Variants in HHAT observed in about 807,000 individuals in gnomAD.
The protein encoded by HHAT is protein-cysteine N-palmitoyltransferase HHAT.
Under a neutral mutation model 70.8 loss-of-function variants are expected in HHAT, and 47 were observed. The observed-to-expected ratio is 0.66, with a 90% CI of 0.53 to 0.85. The LOEUF is 0.85. Ranked by LOEUF, HHAT falls within the 40% of genes least tolerant of loss-of-function variation. The probability of loss-of-function intolerance (pLI) is 0.00; values close to 1 mark genes in which losing one functional copy is unlikely to be tolerated. For missense variants in HHAT, 609 were observed against 604.8 expected (o/e 1.01, Z -0.07); for synonymous variants, 228 against 247.6 (o/e 0.92, Z 0.74).
intron 8 of HHAT, among the ~76,000 whole-genome samples, chr1:210,487,839 A>G (rs1317784866): frequency 6.6e-6 from 1 of 152,210 alleles, no homozygotes; most frequent in African/African-American, 2.4e-5. Flanking sequence ...AAAGCTACCA[A>G]GAGACAGCTT....
At chr1:210,442,502 T>G (rs537491447) in intron 7 of HHAT, among the ~76,000 whole-genome samples, 1 of 150,418 alleles carries the variant, frequency 6.6e-6, no homozygotes, top group South Asian at 2.2e-4. Flanking sequence ...CCACATCCTG[T>G]CCAGCAGCTG....
intron 8 of HHAT, among the ~76,000 whole-genome samples, chr1:210,465,867 G>A (rs1434172701): frequency 6.6e-6 from 1 of 151,922 alleles, no homozygotes; most frequent in South Asian, 2.1e-4. Flanking sequence ...GGAATTGCAA[G>A]GAATGAATTG....
At chr1:210,526,595 G>A (rs1573040069) in intron 9 of HHAT, among the ~76,000 whole-genome samples, 1 of 152,186 alleles carries the variant, frequency 6.6e-6, no homozygotes, top group East Asian at 1.9e-4. Context: ...ACTCTAGACT[G>A]CCGTACCTCT....
intron 6 of HHAT, among the ~76,000 whole-genome samples, chr1:210,407,085 C>G (rs1558454519): frequency 6.6e-6 from 1 of 152,060 alleles, no homozygotes; most frequent in African/African-American, 2.4e-5. Context: ...GGTTTCTGCA[C>G]TTGCTGAAGG....
At chr1:210,617,790 T>C (rs190363968) in intron 10 of HHAT, among the ~76,000 whole-genome samples, 2 of 152,266 alleles carry the variant, frequency 1.3e-5, no homozygotes, top group African/African-American at 4.8e-5. Flanking sequence ...CTCAGGAGTA[T>C]GCACACAGAG....
At chr1:210,647,770 C>T (rs1268346253) in intron 11 of HHAT, among the ~76,000 whole-genome samples, 1 of 152,224 alleles carries the variant, frequency 6.6e-6, no homozygotes, top group Admixed American at 6.5e-5. Flanking sequence ...AATTATTGAA[C>T]ATCTGTTATG....
At chr1:210,583,186 A>G (rs1368508093) in intron 9 of HHAT, among the ~76,000 whole-genome samples, 1 of 152,212 alleles carries the variant, frequency 6.6e-6, no homozygotes. Flanking sequence ...GAAGTCATCA[A>G]TACTGTCTAC....
At chr1:210,486,658 A>G (rs12130700) in intron 8 of HHAT, among the ~76,000 whole-genome samples, 11,071 of 152,234 alleles carry the variant, frequency 0.073, 480 homozygotes, top group South Asian at 0.12. Context: ...TTAATAAGGG[A>G]CTTGCCCCCA....
intron 9 of HHAT, among the ~76,000 whole-genome samples, chr1:210,550,206 C>T (rs2095516781): frequency 6.7e-6 from 1 of 149,440 alleles, no homozygotes; most frequent in Non-Finnish European, 1.5e-5. Context: ...CTGAAATCTG[C>T]AGATCAGCAC....
At chr1:210,632,059 T>C (rs1206221614) in intron 11 of HHAT, among the ~76,000 whole-genome samples, 1 of 152,094 alleles carries the variant, frequency 6.6e-6, no homozygotes, top group Non-Finnish European at 1.5e-5. Flanking sequence ...CTAACCTAAC[T>C]CTCCCAGCTG....
At chr1:210,488,431 TG>T (rs1420437400) in intron 8 of HHAT, among the ~76,000 whole-genome samples, 18 of 152,312 alleles carry the variant, frequency 1.2e-4, no homozygotes, top group Admixed American at 9.8e-4. Flanking sequence ...ATACACATAA[TG>T]GGGGTGAATT....
intron 9 of HHAT, among the ~76,000 whole-genome samples, chr1:210,560,622 C>G (rs2095612533): frequency 6.6e-6 from 1 of 150,450 alleles, no homozygotes; most frequent in Non-Finnish European, 1.5e-5. Flanking sequence ...TCAAGACCAG[C>G]CTGGGCAACA....
chr1:210,386,709 T>C (rs2091103998), intron 3 of HHAT, among the ~76,000 whole-genome samples: 1 of 152,126 alleles, frequency 6.6e-6, no homozygotes, highest in Non-Finnish European at 1.5e-5. Flanking sequence ...CGTGGTCCTT[T>C]CTGGGGCTCC....
intron 9 of HHAT, among the ~76,000 whole-genome samples, chr1:210,517,288 C>G (rs2095072910): frequency 1.3e-5 from 2 of 152,030 alleles, no homozygotes; most frequent in South Asian, 4.1e-4. Flanking sequence ...TTTTATTTTT[C>G]TTTCTTCTTT....
At chr1:210,630,249 G>A (rs1428569926) in intron 11 of HHAT, among the ~76,000 whole-genome samples, 1 of 152,078 alleles carries the variant, frequency 6.6e-6, no homozygotes, top group Admixed American at 6.5e-5. Context: ...CCTTAGCAAG[G>A]TCCCTATTGC....
intron 3 of HHAT, among the ~76,000 whole-genome samples, chr1:210,368,739 T>C (rs2089262322): frequency 6.6e-6 from 1 of 152,132 alleles, no homozygotes; most frequent in African/African-American, 2.4e-5. Context: ...TTATTGTTAC[T>C]TTTTTCTTCC....
intron 4 of HHAT, among the ~76,000 whole-genome samples, chr1:210,394,325 T>A (rs2091653824): frequency 6.9e-6 from 1 of 145,840 alleles, no homozygotes; most frequent in Non-Finnish European, 1.5e-5. Context: ...ACCCTTTCCC[T>A]GGATAAGGCT....
intron 10 of HHAT, among the ~76,000 whole-genome samples, chr1:210,601,629 T>C (rs1465724089): frequency 6.6e-6 from 1 of 152,156 alleles, no homozygotes; most frequent in Non-Finnish European, 1.5e-5. Context: ...TGCACATTAC[T>C]GAAGGACTCT....
At chr1:210,673,755 C>CTTATTTAT (rs1553331246) in intron 11 of HHAT, among the ~76,000 whole-genome samples, 1,184 of 70,568 alleles carry the variant, frequency 0.017, 23 homozygotes, top group African/African-American at 0.035. Flanking sequence ...CCATGCCTGG[C>CTTATTTAT]TTATTTATTA....
Sources: gnomAD v4.1 joint callset for allele counts (sites outside exome capture counted in the v4.1 genomes callset) on GRCh38, gnomAD v4.1.1 for gene constraint, MANE v1.5 for transcripts, NCBI Gene and HGNC (gene_info 2026-07-23, HGNC 2026-07-21) for gene names.